The following ACVR1 variants were observed in gnomAD, a reference collection of about 807,000 sequenced individuals.
ACVR1 encodes the protein activin A receptor type 1, also known as activin receptor type-1.
ACVR1 carries 38 observed loss-of-function variants against 57.1 expected under a neutral mutation model. That is an observed-to-expected ratio of 0.67 (90% confidence interval 0.51 to 0.87). The LOEUF is 0.87. Ranked by LOEUF, ACVR1 falls within the 40% of genes least tolerant of loss-of-function variation. ACVR1 has a pLI of 0.00. For synonymous variants in ACVR1, 212 were observed against 228.1 expected, an observed-to-expected ratio of 0.93 and a Z score of 0.63; for missense variants, 463 against 638.2, an observed-to-expected ratio of 0.73 and a Z score of 2.96.
At chr2:157,791,134 T>A (rs996837847) in intron 3 of ACVR1, among the ~76,000 whole-genome samples, 3 of 152,246 alleles carry the variant, frequency 2.0e-5, no homozygotes, top group Admixed American at 2.0e-4. Context: ...GCCTTTCCTG[T>A]CCATACGCCT....
At chr2:157,772,379 T>C (rs1686102643) in intron 6 of ACVR1, among the ~76,000 whole-genome samples, 1 of 152,132 alleles carries the variant, frequency 6.6e-6, no homozygotes, top group African/African-American at 2.4e-5. Flanking sequence ...ATCCATGCAG[T>C]TCATCACATA....
chr2:157,806,328 A>T (rs1430583491), intron 2 of ACVR1, among the ~76,000 whole-genome samples: 3 of 152,038 alleles, frequency 2.0e-5, no homozygotes, highest in Non-Finnish European at 4.4e-5. Context: ...CCCAGAAAAG[A>T]TGTTGATATC....
intron 3 of ACVR1, among the ~76,000 whole-genome samples, chr2:157,786,806 G>A (rs570817704): frequency 1.8e-4 from 28 of 152,252 alleles, no homozygotes; most frequent in South Asian, 1.2e-3. Context: ...TCGTCAGCTT[G>A]GAGGGGTCAG....
At chr2:157,815,849 A>T (rs561167574) in intron 2 of ACVR1, among the ~76,000 whole-genome samples, 1 of 152,328 alleles carries the variant, frequency 6.6e-6, no homozygotes, top group African/African-American at 2.4e-5. Flanking sequence ...CTTGGAAAAT[A>T]AAAACATACA....
At chr2:157,849,327 A>T (rs889400187) in intron 1 of ACVR1, among the ~76,000 whole-genome samples, 2 of 152,248 alleles carry the variant, frequency 1.3e-5, no homozygotes, top group African/African-American at 4.8e-5. Flanking sequence ...CTCTCTATCA[A>T]TATCAATCTT....
chr2:157,810,496 C>T (rs770081097), intron 2 of ACVR1, among the ~76,000 whole-genome samples: 49 of 152,156 alleles, frequency 3.2e-4, no homozygotes, highest in Non-Finnish European at 5.9e-4. Flanking sequence ...GCCTCTCCTC[C>T]CTTAATATGT....
At chr2:157,829,940 C>T (rs142387150) in intron 1 of ACVR1, among the ~76,000 whole-genome samples, 1,558 of 152,312 alleles carry the variant, frequency 0.01, 9 homozygotes, top group Non-Finnish European at 0.016. Flanking sequence ...AGAGGCTGGG[C>T]GCAGTGGCTC....
At chr2:157,850,138 C>A (rs1003417174) in intron 1 of ACVR1, among the ~76,000 whole-genome samples, 1 of 151,984 alleles carries the variant, frequency 6.6e-6, no homozygotes, top group Non-Finnish European at 1.5e-5. Context: ...GCCTGTAATC[C>A]CAGCACTTTA....
At chr2:157,837,478 C>G (rs867113616) in intron 1 of ACVR1, among the ~76,000 whole-genome samples, 23 of 152,094 alleles carry the variant, frequency 1.5e-4, no homozygotes, top group Middle Eastern at 6.8e-3. Flanking sequence ...AAATGAGATG[C>G]TTTTTTAAAA....
chr2:157,788,534 C>A (rs1463588235), intron 3 of ACVR1, among the ~76,000 whole-genome samples: 1 of 152,182 alleles, frequency 6.6e-6, no homozygotes, highest in Non-Finnish European at 1.5e-5. Context: ...TACTTAATAA[C>A]TGCCCCAAAG....
intron 9 of ACVR1, among the ~76,000 whole-genome samples, chr2:157,744,162 TGG>T (rs764268416): frequency 1.3e-5 from 2 of 152,160 alleles, no homozygotes; most frequent in Non-Finnish European, 2.9e-5. Flanking sequence ...TCCTCCAACT[TGG>T]GTAGTCACAT....
intron 1 of ACVR1, among the ~76,000 whole-genome samples, chr2:157,859,284 C>A (rs1689643234): frequency 6.6e-6 from 1 of 152,172 alleles, no homozygotes; most frequent in African/African-American, 2.4e-5. Flanking sequence ...TATGCTCCCA[C>A]CAGCGCCATG....
Position 157,873,323 on chromosome 2 carries a change from T to C in ACVR1, c.-183+2473A>G, listed in dbSNP as rs1038782191. Among the ~76,000 whole-genome samples, 8 of 152,160 alleles carry C rather than the reference T, an allele frequency of 5.3e-5. No individual in the cohort carries two copies. The South Asian group carries it at 1.4e-3, about 28-fold the overall frequency. ...GACGGTAAAATAATAATAAGACATA[T>C]GGTGTTTGTGGAAATGTCATGAAAA... On this transcript the variant is annotated intron_variant, in intron 1 of 10. Coordinates refer to ENST00000434821, the MANE Select transcript of ACVR1 (RefSeq NM_001111067.4).
intron 1 of ACVR1, among the ~76,000 whole-genome samples, chr2:157,843,952 G>A (rs1689052112): frequency 6.6e-6 from 1 of 152,136 alleles, no homozygotes; most frequent in South Asian, 2.1e-4. Flanking sequence ...AAAGAAAAAA[G>A]GAGCTATTCG....
intron 1 of ACVR1, among the ~76,000 whole-genome samples, chr2:157,825,444 T>C (rs1688310631): frequency 6.6e-6 from 1 of 152,022 alleles, no homozygotes; most frequent in Non-Finnish European, 1.5e-5. Context: ...CGGGTACTGG[T>C]CCATGGCCTG....
At chr2:157,870,475 A>G (rs569860280) in intron 1 of ACVR1, among the ~76,000 whole-genome samples, 13 of 152,286 alleles carry the variant, frequency 8.5e-5, no homozygotes, top group Admixed American at 2.6e-4. Context: ...AAATCTCTCA[A>G]AAGAGGAGTT....
chr2:157,814,965 GGTA>G (rs1463651667), intron 2 of ACVR1, among the ~76,000 whole-genome samples: 1 of 152,026 alleles, frequency 6.6e-6, no homozygotes, highest in African/African-American at 2.4e-5. Flanking sequence ...GGCACCTGTA[GGTA>G]GTCCCAGCTA....
At chr2:157,851,907 A>AC (rs374270063) in intron 1 of ACVR1, among the ~76,000 whole-genome samples, 2,691 of 11,664 alleles carry the variant, frequency 0.23, 295 homozygotes, top group Middle Eastern at 0.5. Flanking sequence ...ACACACACAC[A>AC]CACCACCCCC....
chr2:157,788,170 C>T (rs547312301), intron 3 of ACVR1, among the ~76,000 whole-genome samples: 29 of 152,308 alleles, frequency 1.9e-4, no homozygotes, highest in African/African-American at 7.0e-4. Flanking sequence ...TCCTGCCCCA[C>T]AGAAAAGCAC....
Sources: gnomAD v4.1 joint callset for allele counts (sites outside exome capture counted in the v4.1 genomes callset) on GRCh38, gnomAD v4.1.1 for gene constraint, MANE v1.5 for transcripts, NCBI Gene and HGNC (gene_info 2026-07-23, HGNC 2026-07-21) for gene names.